KIF13B: variants seen among roughly 807,000 people sequenced by gnomAD.
KIF13B encodes kinesin-like protein KIF13B.
Under a neutral mutation model 222.0 loss-of-function variants are expected in KIF13B, and 127 were observed. The ratio of observed to expected loss-of-function variants is 0.57; its 90% CI spans 0.50 to 0.66. KIF13B has a LOEUF of 0.66. KIF13B is among the 30% of genes least tolerant of loss of function. The pLI is 0.00. For missense variants in KIF13B, 2,173 were observed against 2,379.0 expected (o/e 0.91, Z 1.80); for synonymous variants, 976 against 919.0 (o/e 1.06, Z -1.12).
Position 29,069,835 on chromosome 8 carries a change from C to T in KIF13B, c.*669G>A, listed in dbSNP as rs1807169809. ...TTCCAGGTGTCTAAAGATGCCAAAA[C>T]ATCCACAGAGAAACCGCTAAGAAAC... On this transcript the variant is annotated 3_prime_UTR_variant, in exon 40 of 40. Transcript: ENST00000524189. 6.6e-6 allele frequency: 1 copy of T among 152,308 alleles called. No individual in the cohort carries two copies. The highest frequency in any genetic ancestry group is 2.4e-5 in the African/African-American group (1 of 41,460). 9.4% of individuals were successfully genotyped at this position (152,308 alleles called of 1,614,324 possible).
intron 36 of KIF13B, among the ~76,000 whole-genome samples, chr8:29,094,868 GAAA>G (rs999327721): frequency 7.2e-6 from 1 of 138,718 alleles, no homozygotes; most frequent in Non-Finnish European, 1.6e-5. Flanking sequence ...TTCTAGAACT[GAAA>G]AAAAAACAAT....
At chr8:29,170,845 A>G (rs1586875719) in intron 10 of KIF13B, among the ~76,000 whole-genome samples, 1 of 152,388 alleles carries the variant, frequency 6.6e-6, no homozygotes, top group Non-Finnish European at 1.5e-5. Context: ...TGGGAGGCCA[A>G]GGCAGGAGGA....
chr8:29,100,192 T>C (rs570853858), intron 35 of KIF13B, among the ~76,000 whole-genome samples: 2 of 152,316 alleles, frequency 1.3e-5, no homozygotes, highest in South Asian at 2.1e-4. Context: ...ATTTCATCAG[T>C]TGATAGATTA....
intron 36 of KIF13B, among the ~76,000 whole-genome samples, chr8:29,093,158 T>G (rs981360479): frequency 1.3e-5 from 2 of 152,206 alleles, no homozygotes; most frequent in East Asian, 1.9e-4. Flanking sequence ...CTCTATCCTG[T>G]CACTAATTGG....
intron 2 of KIF13B, among the ~76,000 whole-genome samples, 158 bp downstream of exon 2, chr8:29,245,188 A>G (rs920308615): frequency 2.0e-5 from 3 of 152,170 alleles, no homozygotes; most frequent in African/African-American, 7.2e-5. Context: ...CATATTATAG[A>G]CTTCATCTCT....
chr8:29,186,426 T>C lies in KIF13B; in HGVS notation c.363A>G (p.Gly121=), dbSNP rs1812931574. The change falls in exon 6 of 40, where the codon GGA becomes GGG. Residue 121 remains glycine, a synonymous_variant. Transcript: ENST00000524189. ...YTMMGTADQP[G]LIPRLCSGLF... is the part of the protein sequence containing the mutation. The stretch of plus-strand genomic sequence containing the variant: ...GTCCACTGCAAAGTCTTGGGATTAA[T>C]CCAGGTTGGTCAGCTGTGCCCATCA... 2 of 1,613,502 alleles carry C rather than the reference T, an allele frequency of 1.2e-6. No homozygotes were observed. Among genetic ancestry groups the C allele is most frequent in the Admixed American group, 1.7e-5 (1 of 59,906 alleles).
In KIF13B at chr8:29,070,894, A is replaced by C; in HGVS notation, c.5219-128T>G. On this transcript the variant is annotated intron_variant, in intron 39 of 39. Transcript: ENST00000524189. This position sits in a 1 kb window ranked among gnomAD's most constrained non-coding sequence, Gnocchi z 4.1. ...CCCGCACAGGCCCTACACAGCCAGC[A>C]CTCGGACACTGGCCATTGTCTGGCA... is the stretch of plus-strand genomic sequence containing the variant. 1 of 1,004,912 alleles carries C rather than the reference A, an allele frequency of 1.0e-6. No homozygotes were observed. Among genetic ancestry groups the C allele is most frequent in the East Asian group, 2.7e-5 (1 of 37,316 alleles). The allele number at this position is 1,004,912 out of a possible 1,614,324, so 62.2% of individuals were successfully genotyped here.
intron 36 of KIF13B, among the ~76,000 whole-genome samples, chr8:29,097,796 G>C (rs989835313): frequency 2.6e-5 from 4 of 152,138 alleles, no homozygotes; most frequent in Non-Finnish European, 5.9e-5. Flanking sequence ...TGTCAGAAAA[G>C]TATTCAAAAC....
At chr8:29,117,639 G>C (rs906179468) in intron 30 of KIF13B, among the ~76,000 whole-genome samples, 1 of 152,064 alleles carries the variant, frequency 6.6e-6, no homozygotes. Context: ...TGGGTGTGTC[G>C]GACTGACTCC....
intron 21 of KIF13B, among the ~76,000 whole-genome samples, chr8:29,134,745 T>C (rs1449626497): frequency 6.6e-6 from 1 of 152,208 alleles, no homozygotes; most frequent in Non-Finnish European, 1.5e-5. Flanking sequence ...TATACAACAT[T>C]GTTTGGGAAA....
chr8:29,122,560 G>T, intron 29 of KIF13B, 31 bp downstream of exon 29: 3 of 1,580,186 alleles, frequency 1.9e-6, no homozygotes, highest in Non-Finnish European at 2.6e-6. Flanking sequence ...ATTTTCAGAG[G>T]TAAGCCTTCA....
Position 29,176,113 on chromosome 8 carries a change from A to T in KIF13B, c.900T>A (p.Asn300Lys). ...LADQSAGKNK[N>K]KFVPYRDSVL... ...CTGAGTCACGATATGGAACAAATTT[A>T]TTCTTGTTTTTGCCAGCACTCTGAT... Residue 300 changes from asparagine (N) to lysine (K), a missense_variant, in exon 10 of 40, where the codon AAT (asparagine) becomes AAA (lysine). Physicochemically the swap from Asn to Lys is moderately conservative, Grantham distance 94 (BLOSUM62 0). Coordinates refer to ENST00000524189, the MANE Select transcript of KIF13B (RefSeq NM_015254.4). 1 of 1,613,800 alleles carries T rather than the reference A, an allele frequency of 6.2e-7. No homozygotes were observed. The highest frequency in any genetic ancestry group is 1.3e-5 in the African/African-American group (1 of 75,056).
At position 29,071,869 on chromosome 8, in the gene KIF13B, G is replaced by C. The variant is rs1193515874; in HGVS notation, c.4969C>G (p.Arg1657Gly). 5 of 1,535,112 alleles carry C rather than the reference G, an allele frequency of 3.3e-6. No individual in the cohort carries two copies. Among genetic ancestry groups the C allele is most frequent in the African/African-American group, 1.4e-5 (1 of 72,790 alleles). Reference protein sequence around the residue: ...RVRRVRASELRSFSRMLAGDP... With the variant: ...RVRRVRASELGSFSRMLAGDP... Reference sequence around the variant, plus strand: ...CCAGCCAGCATGCGCGAGAAGGAGCGCAACTCCGAGGCCCGCACCCTCCGG... The same window carrying C: ...CCAGCCAGCATGCGCGAGAAGGAGCCCAACTCCGAGGCCCGCACCCTCCGG... Residue 1657 changes from arginine to glycine, a missense_variant, in exon 39 of 40, where the codon CGC (arginine) becomes GGC (glycine). Physicochemically the swap from Arg to Gly is moderately radical, Grantham distance 125. This residue lies in a region of KIF13B where 693 missense variants were observed against 656.2 expected (regional missense o/e 1.06). Coordinates refer to ENST00000524189, the MANE Select transcript of KIF13B (RefSeq NM_015254.4). This position sits in a 1 kb window ranked among gnomAD's most constrained non-coding sequence, Gnocchi z 4.9.
chr8:29,106,806 G>T (rs1393167428), intron 35 of KIF13B, among the ~76,000 whole-genome samples: 4 of 152,144 alleles, frequency 2.6e-5, no homozygotes, highest in Non-Finnish European at 5.9e-5. Context: ...TCATGAAGCA[G>T]CCAATCTTCT....
At position 29,180,119 on chromosome 8, in the gene KIF13B, G is replaced by A. The variant is rs373815796; in HGVS notation, c.705C>T (p.Tyr235=). 25 of 1,613,772 alleles carry A rather than the reference G, an allele frequency of 1.5e-5. 1 individual carries two copies. In the African/African-American group the frequency reaches 2.0e-4, roughly 13 times the overall value. ...GAACACCTACCCCAGACTTCACATC[G>A]TAGAGAGTATGTGTGAGGGTGATTT... ...VFKITLTHTL[Y]DVKSGTSGEK... is the part of the protein sequence containing the mutation. The change falls in exon 8 of 40, where the codon TAC becomes TAT. Residue 235 remains tyrosine, a synonymous_variant. Coordinates refer to ENST00000524189, the MANE Select transcript of KIF13B (RefSeq NM_015254.4).
At chr8:29,174,488 G>A (rs1389257510) in intron 10 of KIF13B, among the ~76,000 whole-genome samples, 1 of 152,054 alleles carries the variant, frequency 6.6e-6, no homozygotes, top group African/African-American at 2.4e-5. Flanking sequence ...GTAAGCTGAC[G>A]TCAGGATTCA....
At chr8:29,165,347 T>C (rs1042188361) in intron 12 of KIF13B, among the ~76,000 whole-genome samples, 1 of 152,170 alleles carries the variant, frequency 6.6e-6, no homozygotes, top group African/African-American at 2.4e-5. Context: ...GGAAGTTCCT[T>C]AGGTCTCCAA....
At chr8:29,151,084 G>A (rs535249003) in intron 14 of KIF13B, among the ~76,000 whole-genome samples, 58 of 152,276 alleles carry the variant, frequency 3.8e-4, no homozygotes, top group Non-Finnish European at 6.9e-4. Context: ...CTTCTCCAGC[G>A]ACTACATGAA....
intron 18 of KIF13B, among the ~76,000 whole-genome samples, chr8:29,145,018 A>G (rs1810995525): frequency 6.6e-6 from 1 of 152,152 alleles, no homozygotes; most frequent in Non-Finnish European, 1.5e-5. Flanking sequence ...TTCAACTTAT[A>G]CACTATAAAA....
Sources: allele counts gnomAD v4.1 joint callset (sites outside exome capture counted in the v4.1 genomes callset), GRCh38; gene constraint gnomAD v4.1.1; regional missense constraint gnomAD v4.1.1; non-coding constraint Gnocchi (gnomAD v3.1); transcripts MANE v1.5; gene names NCBI Gene and HGNC (gene_info 2026-07-23, HGNC 2026-07-21).